PTPN14: variants seen among roughly 807,000 people sequenced by gnomAD.
PTPN14 encodes tyrosine-protein phosphatase non-receptor type 14.
A neutral mutation model predicts 126.8 loss-of-function variants in PTPN14; 53 were observed. The ratio of observed to expected loss-of-function variants is 0.42; its 90% CI spans 0.34 to 0.53. The LOEUF is 0.53. Ranked by LOEUF, PTPN14 falls within the 20% of genes least tolerant of loss-of-function variation. The pLI is 0.08. For synonymous variants in PTPN14, 630 were observed against 599.3 expected (o/e 1.05, Z -0.75); for missense variants, 1,257 against 1,552.9 (o/e 0.81, Z 3.20).
chr1:214,378,782 A>G (rs1306999416), intron 13 of PTPN14, among the ~76,000 whole-genome samples: 5 of 152,194 alleles, frequency 3.3e-5, no homozygotes, highest in Non-Finnish European at 7.3e-5. Flanking sequence ...GGCTTCACCC[A>G]GAGGGCCCAC....
At chr1:214,396,153 C>T (rs1050425531) in intron 8 of PTPN14, among the ~76,000 whole-genome samples, 9 of 152,182 alleles carry the variant, frequency 5.9e-5, no homozygotes, top group Non-Finnish European at 1.2e-4. Flanking sequence ...AATATTGTCT[C>T]TTAGCTGTAT....
intron 3 of PTPN14, among the ~76,000 whole-genome samples, chr1:214,443,473 T>C (rs1660078159): frequency 6.6e-6 from 1 of 152,164 alleles, no homozygotes; most frequent in Admixed American, 6.5e-5. Flanking sequence ...TGAGGGTTTA[T>C]TAAATTTACT....
chr1:214,470,635 T>G (rs1660732618), intron 1 of PTPN14, among the ~76,000 whole-genome samples: 1 of 151,300 alleles, frequency 6.6e-6, no homozygotes, highest in Non-Finnish European at 1.5e-5. Context: ...ATACAAAAAA[T>G]TAGCCGGGTG....
chr1:214,441,579 A>G (rs1340001131), intron 3 of PTPN14, among the ~76,000 whole-genome samples: 1 of 152,124 alleles, frequency 6.6e-6, no homozygotes, highest in Non-Finnish European at 1.5e-5. Context: ...CAACGTCAAG[A>G]TTTTTTTTAA....
chr1:214,451,317 T>C (rs1660268963), intron 3 of PTPN14, among the ~76,000 whole-genome samples: 2 of 151,940 alleles, frequency 1.3e-5, no homozygotes, highest in Non-Finnish European at 2.9e-5. Flanking sequence ...CAAAACACCA[T>C]GTCTAGCTAG....
At chr1:214,461,607 G>T (rs976673659) in intron 2 of PTPN14, among the ~76,000 whole-genome samples, 1 of 150,800 alleles carries the variant, frequency 6.6e-6, no homozygotes, top group Non-Finnish European at 1.5e-5. Context: ...TCCAGTCTGG[G>T]CAATAGAGCA....
chr1:214,384,510 T>C lies in PTPN14; in HGVS notation c.1345A>G (p.Met449Val). ...AGGATCCCCCTCTTCATCTGGCGCA[T>C]GACTGTCTCATAATCGGGGGTTGGC... ...YRPTPDYETV[M>V]RQMKRGILHT... is the part of the protein sequence containing the mutation. The change falls in exon 13 of 19, where the codon ATG (methionine) becomes GTG (valine). Residue 449 changes from methionine to valine, a missense_variant. Coordinates refer to ENST00000366956, the MANE Select transcript of PTPN14 (RefSeq NM_005401.5). The surrounding 1 kb of genome is among the most constrained non-coding windows in gnomAD (Gnocchi z 5.3). 6.2e-7 allele frequency: 1 copy of C among 1,614,154 alleles called. No homozygotes were observed. Among genetic ancestry groups the C allele is most frequent in the Non-Finnish European group, 8.5e-7 (1 of 1,180,036 alleles).
intron 1 of PTPN14, among the ~76,000 whole-genome samples, chr1:214,544,988 G>A (rs925883379): frequency 6.6e-6 from 1 of 151,966 alleles, no homozygotes; most frequent in Non-Finnish European, 1.5e-5. Flanking sequence ...GGCAGGAAGG[G>A]GTAAGACCAC....
intron 3 of PTPN14, among the ~76,000 whole-genome samples, chr1:214,426,821 A>G (rs933702216): frequency 3.9e-5 from 6 of 152,334 alleles, no homozygotes; most frequent in African/African-American, 1.2e-4. Flanking sequence ...CCCAGGGAAG[A>G]TGCCAGTGTG....
intron 3 of PTPN14, among the ~76,000 whole-genome samples, chr1:214,431,306 C>T (rs145757707): frequency 2.0e-5 from 3 of 152,278 alleles, no homozygotes; most frequent in East Asian, 1.9e-4. Flanking sequence ...TTGGTATGTA[C>T]ACCACATTAT....
At position 214,414,857 on chromosome 1, in the gene PTPN14, A is replaced by C. The variant is rs1659391202; in HGVS notation, c.345-131T>G. The C allele has an allele frequency of 4.4e-6, 3 of 688,166 alleles. No homozygotes were observed. The African/African-American group carries it at 5.3e-5, about 12-fold the overall frequency. 42.6% of individuals were successfully genotyped at this position (688,166 alleles called of 1,614,324 possible). A position where few individuals can be genotyped will look rare whatever the true frequency, so the allele number is the denominator to read the frequency against. On this transcript the variant is annotated intron_variant, in intron 3 of 18. Coordinates refer to ENST00000366956, the MANE Select transcript of PTPN14 (RefSeq NM_005401.5). ...CATGCCTGTGATGCTGATAAAGGTC[A>C]TTTCTATAAAAGATGGAAAGTGACC... is the stretch of plus-strand genomic sequence containing the variant.
intron 1 of PTPN14, among the ~76,000 whole-genome samples, chr1:214,484,284 G>A (rs1341283936): frequency 6.6e-6 from 1 of 152,146 alleles, no homozygotes; most frequent in Non-Finnish European, 1.5e-5. Context: ...CACACCTGTG[G>A]TCCTAGCTCC....
intron 1 of PTPN14, among the ~76,000 whole-genome samples, chr1:214,490,944 AAAAG>A (rs1188489771): frequency 8.8e-5 from 9 of 102,012 alleles, no homozygotes; most frequent in Admixed American, 2.0e-4. Flanking sequence ...AGAAAGAAAG[AAAAG>A]AAAGAAAGGA....
chr1:214,404,122 C>G lies in PTPN14; in HGVS notation c.511-1169G>C, dbSNP rs112997650. The stretch of plus-strand genomic sequence containing the variant: ...AACTTTACATGGATGAAAACACTAC[C>G]CCTAAAAATGTACACCTCAAAACTG... On this transcript the variant is annotated intron_variant, in intron 5 of 18. Transcript: ENST00000366956. Among the ~76,000 whole-genome samples the G allele has an allele frequency of 1.7e-3, 253 of 152,246 alleles. 1 individual carries two copies. The highest frequency in any genetic ancestry group is 5.8e-3 in the African/African-American group (239 of 41,542).
In PTPN14 at chr1:214,384,769, A is replaced by G. The variant is rs751185154; in HGVS notation, c.1086T>C (p.Asn362=). 3.7e-6 allele frequency: 6 copies of G among 1,612,708 alleles called. No homozygotes were observed. The highest frequency in any genetic ancestry group is 5.1e-6 in the Non-Finnish European group (6 of 1,179,330). Residue 362 remains asparagine, a synonymous_variant, in exon 13 of 19, where the codon AAT becomes AAC. Coordinates refer to ENST00000366956, the MANE Select transcript of PTPN14 (RefSeq NM_005401.5). This position sits in a 1 kb window ranked among gnomAD's most constrained non-coding sequence, Gnocchi z 5.3. The stretch of plus-strand genomic sequence containing the variant: ...GAGAGTTGCAATACAAGGCTTCTTC[A>G]TTCCCATGAAAAATGCTGTCTACAA... The part of the protein sequence containing the change: ...HTSQDSIFHG[N]EEALYCNSHN...
intron 1 of PTPN14, among the ~76,000 whole-genome samples, chr1:214,492,567 T>C (rs1661273908): frequency 6.6e-6 from 1 of 152,204 alleles, no homozygotes; most frequent in Non-Finnish European, 1.5e-5. Flanking sequence ...AACAATGGTA[T>C]CATCAAATGA....
rs1254744553 is a variant in PTPN14, at chr1:214,394,982, T to C, written c.763A>G (p.Asn255Asp). The part of the protein sequence containing the change: ...IGRQAVIYRW[N>D]DMGNITHNKS... ...TTATGAGTGATATTCCCCATGTCAT[T>C]CCACCTGGTTAGAAGAAATGTCACT... The change falls in exon 9 of 19, where the codon AAT (asparagine) becomes GAT (aspartate). Residue 255 changes from asparagine (N) to aspartate (D), a missense_variant. Physicochemically the swap from Asn to Asp is conservative, Grantham distance 23. This residue lies in a region of PTPN14 where 1,021 missense variants were observed against 1,183.3 expected (regional missense o/e 0.86). Coordinates refer to ENST00000366956, the MANE Select transcript of PTPN14 (RefSeq NM_005401.5). 1.9e-6 allele frequency: 3 copies of C among 1,610,574 alleles called. No individual in the cohort carries two copies. Among genetic ancestry groups the C allele is most frequent in the Non-Finnish European group, 2.5e-6 (3 of 1,176,898 alleles).
intron 3 of PTPN14, among the ~76,000 whole-genome samples, chr1:214,447,920 T>C: frequency 6.6e-6 from 1 of 152,226 alleles, no homozygotes; most frequent in East Asian, 1.9e-4. Flanking sequence ...AAACACTTCT[T>C]TCCCTCCTTA....
At chr1:214,441,688 A>C (rs1350968442) in intron 3 of PTPN14, among the ~76,000 whole-genome samples, 1 of 152,224 alleles carries the variant, frequency 6.6e-6, no homozygotes, top group African/African-American at 2.4e-5. Context: ...ATGTCTCTTA[A>C]AAATTCATAA....
Sources: allele counts gnomAD v4.1 joint callset (sites outside exome capture counted in the v4.1 genomes callset), GRCh38; gene constraint gnomAD v4.1.1; regional missense constraint gnomAD v4.1.1; non-coding constraint Gnocchi (gnomAD v3.1); transcripts MANE v1.5; gene names NCBI Gene and HGNC (gene_info 2026-07-23, HGNC 2026-07-21).